ELAVL2: variants seen among roughly 807,000 people sequenced by gnomAD.
ELAVL2 encodes ELAV like RNA binding protein 2.
In ELAVL2, 4 loss-of-function variants were observed where a neutral mutation model predicts 34.6. The ratio of observed to expected loss-of-function variants is 0.12; its 90% CI spans 0.06 to 0.26. The LOEUF (loss-of-function observed/expected upper bound fraction) is 0.26. ELAVL2 is among the 10% of genes least tolerant of loss of function. The pLI, the probability that ELAVL2 is intolerant of heterozygous loss-of-function variation, is 1.00. For synonymous variants in ELAVL2, 193 were observed against 154.8 expected (o/e 1.25, Z -1.83); for missense variants, 432 against 442.8 (o/e 0.98, Z 0.22).
chr9:23,821,934 C>A (rs1291676433), intron 1 of ELAVL2: 1 of 151,394 alleles, frequency 6.6e-6, no homozygotes, highest in East Asian at 2.0e-4. Flanking sequence ...CCGCCGCCGG[C>A]GCGTGCCCTG....
chr9:23,846,313 A>G, the ELAVL2 span, among the ~76,000 whole-genome samples: 1 of 151,948 alleles, frequency 6.6e-6, no homozygotes, highest in Non-Finnish European at 1.5e-5. Context: ...AAGTTAATTG[A>G]TTAAGTATAT....
intron 1 of ELAVL2, among the ~76,000 whole-genome samples, chr9:23,812,846 C>G (rs1294509396): frequency 1.3e-5 from 2 of 151,618 alleles, no homozygotes; most frequent in Non-Finnish European, 2.9e-5. Context: ...CTAAGATGTT[C>G]AATACAGGGG....
chr9:23,841,523 G>T, the ELAVL2 span, among the ~76,000 whole-genome samples: 2 of 151,700 alleles, frequency 1.3e-5, no homozygotes, highest in African/African-American at 4.8e-5. Flanking sequence ...ATTACCTAAG[G>T]GCTCATTGAG....
intron 1 of ELAVL2, among the ~76,000 whole-genome samples, chr9:23,810,146 T>TA (rs1196036616): frequency 1.3e-5 from 2 of 152,064 alleles, no homozygotes; most frequent in African/African-American, 2.4e-5. Context: ...AACAGCATCC[T>TA]AAAAAAAGCC....
intron 4 of ELAVL2, among the ~76,000 whole-genome samples, chr9:23,702,524 T>C (rs540267438): frequency 2.2e-4 from 33 of 151,502 alleles, no homozygotes; most frequent in African/African-American, 7.5e-4. Flanking sequence ...AGATAAGCAG[T>C]GGCAGGGAAA....
At chr9:23,697,496 TTA>T (rs1341407833) in intron 5 of ELAVL2, among the ~76,000 whole-genome samples, 2 of 152,162 alleles carry the variant, frequency 1.3e-5, no homozygotes, top group South Asian at 2.1e-4. Context: ...TTATCCTTTT[TTA>T]TGTTTGATTA....
intron 3 of ELAVL2, among the ~76,000 whole-genome samples, chr9:23,707,556 G>A (rs1260029638): frequency 6.6e-6 from 1 of 152,172 alleles, no homozygotes; most frequent in Non-Finnish European, 1.5e-5. Flanking sequence ...CCAGCAGCAG[G>A]TGACAGGCTC....
chr9:23,700,111 A>G (rs1267784508), intron 5 of ELAVL2, among the ~76,000 whole-genome samples: 1 of 152,200 alleles, frequency 6.6e-6, no homozygotes, highest in Non-Finnish European at 1.5e-5. Context: ...TTTAAGCTAG[A>G]AAACATAACT....
intron 2 of ELAVL2, among the ~76,000 whole-genome samples, chr9:23,753,120 A>G (rs2052569287): frequency 6.6e-6 from 1 of 152,222 alleles, no homozygotes; most frequent in African/African-American, 2.4e-5. Context: ...ATGCTAATTA[A>G]GCCACTGTAT....
chr9:23,817,770 C>T (rs1035386485), intron 1 of ELAVL2, among the ~76,000 whole-genome samples: 4 of 152,162 alleles, frequency 2.6e-5, no homozygotes, highest in African/African-American at 9.7e-5. Flanking sequence ...GTTAAATTTA[C>T]TAGTGAAAAA....
intron 1 of ELAVL2, among the ~76,000 whole-genome samples, chr9:23,790,495 C>T (rs2060204920): frequency 6.6e-6 from 1 of 152,100 alleles, no homozygotes. Flanking sequence ...AATGAGGCCA[C>T]ACTAAAAACT....
At chr9:23,735,843 GAAGAGGACCAA>G (rs1476291315) in intron 2 of ELAVL2, among the ~76,000 whole-genome samples, 3 of 152,150 alleles carry the variant, frequency 2.0e-5, no homozygotes, top group African/African-American at 7.2e-5. Context: ...AGAGGCCTCT[GAAGAGGACCAA>G]AGACTACTGA....
intron 2 of ELAVL2, among the ~76,000 whole-genome samples, chr9:23,734,211 T>C (rs778037138): frequency 1.3e-5 from 2 of 152,216 alleles, no homozygotes; most frequent in Non-Finnish European, 2.9e-5. Flanking sequence ...AGTGAAAATC[T>C]GTAATCAAGG....
At chr9:23,842,925 C>G in the ELAVL2 span, among the ~76,000 whole-genome samples, 1 of 152,074 alleles carries the variant, frequency 6.6e-6, no homozygotes, top group African/African-American at 2.4e-5. Context: ...CTTCAATGAA[C>G]TGTACTTGCC....
At chr9:23,831,196 T>G (rs2065490174), upstream of ELAVL2, among the ~76,000 whole-genome samples, 1 of 152,326 alleles carries the variant, frequency 6.6e-6, no homozygotes, top group Admixed American at 6.5e-5. Flanking sequence ...TGTTTCCACT[T>G]GTGTGCGATG....
rs777197467 is a variant in ELAVL2, at chr9:23,807,534, C to T, written c.-16+18272G>A. Among the ~76,000 whole-genome samples, 55 of 151,846 alleles carry T rather than the reference C, an allele frequency of 3.6e-4. 1 individual carries two copies. The highest frequency in any genetic ancestry group is 6.5e-4 in the Non-Finnish European group (44 of 67,962). ...AAAAAAAAAACTGCCTAAGTCTCTT[C>T]CACTCCAACAAATATTTTAAAAACA... On this transcript the variant is annotated intron_variant, in intron 1 of 6. Transcript: ENST00000397312.
intron 1 of ELAVL2, among the ~76,000 whole-genome samples, chr9:23,793,787 T>G (rs944840509): frequency 6.6e-6 from 1 of 152,162 alleles, no homozygotes; most frequent in African/African-American, 2.4e-5. Context: ...CAGTGGACTT[T>G]CCACCTCCAA....
intron 1 of ELAVL2, among the ~76,000 whole-genome samples, chr9:23,805,134 T>C (rs1298076553): frequency 1.3e-5 from 2 of 152,026 alleles, no homozygotes; most frequent in Admixed American, 6.6e-5. Flanking sequence ...GACCACCTAA[T>C]AGGAAATATA....
At chr9:23,728,334 C>T (rs2045751298) in intron 3 of ELAVL2, among the ~76,000 whole-genome samples, 1 of 152,028 alleles carries the variant, frequency 6.6e-6, no homozygotes, top group South Asian at 2.1e-4. Flanking sequence ...GATGAGATGA[C>T]CACAGTTAAA....
Sources: allele counts gnomAD v4.1 joint callset (sites outside exome capture counted in the v4.1 genomes callset), GRCh38; gene constraint gnomAD v4.1.1; transcripts MANE v1.5; gene names NCBI Gene and HGNC (gene_info 2026-07-23, HGNC 2026-07-21).